Variants in NRG3 observed in about 807,000 individuals in gnomAD.
The protein encoded by NRG3 is pro-neuregulin-3, membrane-bound isoform.
In NRG3, 31 loss-of-function variants were observed where a neutral mutation model predicts 66.9. That is an observed-to-expected ratio of 0.46 (90% CI 0.35 to 0.63). NRG3 has a LOEUF of 0.63. NRG3 is among the 20% of genes least tolerant of loss of function. NRG3 has a pLI of 0.00. For synonymous variants in NRG3, 393 were observed against 359.4 expected, an observed-to-expected ratio of 1.09 and a Z score of -1.06; for missense variants, 910 against 878.9, an observed-to-expected ratio of 1.04 and a Z score of -0.45.
intron 1 of NRG3, among the ~76,000 whole-genome samples, chr10:81,993,272 A>G (rs1010814767): frequency 2.0e-5 from 3 of 152,204 alleles, no homozygotes; most frequent in Admixed American, 2.0e-4. Flanking sequence ...TGTTGAAACT[A>G]AAGCCTAGAG....
chr10:82,823,345 C>A (rs1231784716), intron 3 of NRG3, among the ~76,000 whole-genome samples: 1 of 152,126 alleles, frequency 6.6e-6, no homozygotes, highest in Non-Finnish European at 1.5e-5. Context: ...ACTCTCAGAA[C>A]AAAGCAGGGA....
intron 2 of NRG3, among the ~76,000 whole-genome samples, chr10:82,707,242 CA>C (rs2056362501): frequency 6.6e-6 from 1 of 151,936 alleles, no homozygotes; most frequent in Non-Finnish European, 1.5e-5. Flanking sequence ...TTAAATTCAA[CA>C]TTTCACAGTG....
chr10:82,686,642 C>T (rs1274504727), intron 2 of NRG3, among the ~76,000 whole-genome samples: 2 of 152,112 alleles, frequency 1.3e-5, no homozygotes, highest in African/African-American at 2.4e-5. Flanking sequence ...CTTATGGGAC[C>T]GCAGTCATAT....
chr10:82,263,807 C>T (rs1364605162), intron 1 of NRG3, among the ~76,000 whole-genome samples: 1 of 152,098 alleles, frequency 6.6e-6, no homozygotes, highest in East Asian at 1.9e-4. Context: ...ATACAGATAA[C>T]ACCAAAATTT....
chr10:82,689,051 G>A (rs1429334627), intron 2 of NRG3, among the ~76,000 whole-genome samples: 1 of 152,094 alleles, frequency 6.6e-6, no homozygotes. Context: ...CTGTTAAGGA[G>A]GAATCATATC....
intron 1 of NRG3, among the ~76,000 whole-genome samples, chr10:82,255,053 G>A (rs575939543): frequency 3.0e-4 from 46 of 152,218 alleles, no homozygotes; most frequent in African/African-American, 1.0e-3. Flanking sequence ...ACCCCAGCCC[G>A]GTAATCAAGG....
Position 82,985,102 on chromosome 10 carries a change from T to A in NRG3, c.1588T>A (p.Ser530Thr). The A allele has an allele frequency of 6.2e-7, 1 of 1,612,848 alleles. No individual in the cohort carries two copies. The highest frequency in any genetic ancestry group is 8.5e-7 in the Non-Finnish European group (1 of 1,179,426). Reference sequence around the variant, plus strand: ...AACACTGTGTTTCTTTTTCAGGTATTCATCCAGTGGTTTAAAAACCCAACG... The same window carrying A: ...AACACTGTGTTTCTTTTTCAGGTATACATCCAGTGGTTTAAAAACCCAACG... Reference protein sequence around the residue: ...DQDTIPCQGYSSSGLKTQRNT... With the variant: ...DQDTIPCQGYTSSGLKTQRNT... The change falls in exon 9 of 9, where the codon TCA (serine) becomes ACA (threonine). Residue 530 changes from serine (S) to threonine (T), a missense_variant. Transcript: ENST00000372141.
At chr10:82,706,855 G>A (rs78576751) in intron 2 of NRG3, among the ~76,000 whole-genome samples, 7,234 of 151,744 alleles carry the variant, frequency 0.048, 209 homozygotes, top group South Asian at 0.083. Flanking sequence ...TTAGCCAGGC[G>A]TGGTGGTGCA....
chr10:82,786,541 A>G (rs1482468423), intron 3 of NRG3, among the ~76,000 whole-genome samples: 1 of 151,966 alleles, frequency 6.6e-6, no homozygotes, highest in Non-Finnish European at 1.5e-5. Context: ...TCACAGATGG[A>G]GGGGAATTTG....
intron 1 of NRG3, among the ~76,000 whole-genome samples, chr10:82,174,930 C>T (rs2072913301): frequency 6.6e-6 from 1 of 152,106 alleles, no homozygotes; most frequent in African/African-American, 2.4e-5. Flanking sequence ...TTACAAATTC[C>T]TGAAACAGTA....
At chr10:82,517,624 ACC>A (rs1845784642) in intron 2 of NRG3, among the ~76,000 whole-genome samples, 1 of 90,594 alleles carries the variant, frequency 1.1e-5, no homozygotes, top group Non-Finnish European at 2.0e-5. Context: ...TCTCTCTCTC[ACC>A]CCGCCCCCCC....
chr10:82,651,046 T>C (rs139314882), intron 2 of NRG3, among the ~76,000 whole-genome samples: 2 of 152,336 alleles, frequency 1.3e-5, no homozygotes, highest in Non-Finnish European at 2.9e-5. Context: ...ATAATTGGGC[T>C]GCTGGTTGAG....
At chr10:82,918,004 ATCTCTC>A (rs763741112) in intron 4 of NRG3, among the ~76,000 whole-genome samples, 169 of 134,530 alleles carry the variant, frequency 1.3e-3, no homozygotes, top group Middle Eastern at 4.3e-3. Flanking sequence ...GTATGTATGT[ATCTCTC>A]TCTATATATA....
At chr10:82,606,115 T>A (rs2047945949) in intron 2 of NRG3, among the ~76,000 whole-genome samples, 1 of 152,128 alleles carries the variant, frequency 6.6e-6, no homozygotes, top group Non-Finnish European at 1.5e-5. Flanking sequence ...TAAGGCATGA[T>A]CTTAGACTAT....
intron 1 of NRG3, among the ~76,000 whole-genome samples, chr10:82,162,799 A>G (rs2071703987): frequency 6.6e-6 from 1 of 152,186 alleles, no homozygotes; most frequent in African/African-American, 2.4e-5. Context: ...CCTTTTATAC[A>G]TAAGCCAAAG....
chr10:82,802,226 G>A (rs2061073117), intron 3 of NRG3, among the ~76,000 whole-genome samples: 4 of 152,184 alleles, frequency 2.6e-5, no homozygotes, highest in South Asian at 2.1e-4. Flanking sequence ...GCTCATTCAC[G>A]ACAGAGAGAG....
intron 7 of NRG3, among the ~76,000 whole-genome samples, chr10:82,977,446 T>C (rs1852388927): frequency 6.6e-6 from 1 of 151,822 alleles, no homozygotes; most frequent in Non-Finnish European, 1.5e-5. Context: ...TCATCTCTAC[T>C]AAAAATACAA....
In NRG3 at chr10:81,884,431, T is replaced by C. The variant is rs115954455; in HGVS notation, c.823+8268T>C. 5.2e-3 allele frequency among the ~76,000 whole-genome samples: 794 copies of C among 152,334 alleles called. 6 individuals are homozygous for C. Among genetic ancestry groups the C allele is most frequent in the African/African-American group, 0.018 (758 of 41,574 alleles). ...TGAATGTTGTCTTCTTGTTTATTTT[T>C]TAAGTTTTGTTGATATGTAATTGAT... On this transcript the variant is annotated intron_variant, in intron 1 of 8. Transcript: ENST00000372141.
chr10:82,826,107 A>G (rs957875432), intron 3 of NRG3, among the ~76,000 whole-genome samples: 3 of 152,202 alleles, frequency 2.0e-5, no homozygotes, highest in African/African-American at 4.8e-5. Flanking sequence ...TTATATGTTT[A>G]AATTAAATTT....
Sources: allele counts gnomAD v4.1 joint callset (sites outside exome capture counted in the v4.1 genomes callset), GRCh38; gene constraint gnomAD v4.1.1; transcripts MANE v1.5; gene names NCBI Gene and HGNC (gene_info 2026-07-23, HGNC 2026-07-21).